The following KCNQ1 variants were observed in gnomAD, a reference collection of about 807,000 sequenced individuals.
The protein encoded by KCNQ1 is potassium voltage-gated channel subfamily KQT member 1.
KCNQ1 carries 49 observed loss-of-function variants against 72.4 expected under a neutral mutation model. That is an observed-to-expected ratio of 0.68 (90% confidence interval 0.54 to 0.86). KCNQ1 has a LOEUF of 0.86. Among genes scored for constraint, KCNQ1 ranks in the 40% least tolerant of loss-of-function variants. The pLI is 0.00. For missense variants in KCNQ1, 790 were observed against 945.1 expected, an observed-to-expected ratio of 0.84 and a Z score of 2.15; for synonymous variants, 450 against 412.6, an observed-to-expected ratio of 1.09 and a Z score of -1.10.
At chr11:2,649,861 G>A (rs1849730752) in intron 10 of KCNQ1, 1 of 398,408 alleles carries the variant, frequency 2.5e-6, no homozygotes, top group South Asian at 1.3e-4. Context: ...CAGTTTTCAG[G>A]TATTATCTTC....
intron 7 of KCNQ1, among the ~76,000 whole-genome samples, chr11:2,583,988 GTGTGTGTGTGTGTTA>G (rs1206435830): frequency 1.3e-5 from 2 of 151,596 alleles, no homozygotes; most frequent in Non-Finnish European, 2.9e-5. Context: ...GTATGTGGGT[GTGTGTGTGTGTGTTA>G]TGTGCGTATG....
At position 2,808,057 on chromosome 11, in the gene KCNQ1, G is replaced by T. The variant is rs373670024; in HGVS notation, c.1794+30020G>T. 6.6e-6 allele frequency among the ~76,000 whole-genome samples: 1 copy of T among 152,126 alleles called. No individual in the cohort carries two copies. Among genetic ancestry groups the T allele is most frequent in the Non-Finnish European group, 1.5e-5 (1 of 67,994 alleles). On this transcript the variant is annotated intron_variant, in intron 15 of 15. Transcript: ENST00000155840. The surrounding 1 kb of genome is among the most constrained non-coding windows in gnomAD (Gnocchi z 6.0). The stretch of plus-strand genomic sequence containing the variant: ...CCACTGAGCACCTGGCCCAGTGCCC[G>T]GCACGTGGCAAGTGAAGGCGGCTGC...
chr11:2,753,586 T>A (rs1437619028), intron 11 of KCNQ1, among the ~76,000 whole-genome samples: 1 of 152,230 alleles, frequency 6.6e-6, no homozygotes, highest in African/African-American at 2.4e-5. Flanking sequence ...TTTTGAAGTA[T>A]ACACCTCAGT....
chr11:2,791,094 G>A (rs1221406819), intron 15 of KCNQ1, among the ~76,000 whole-genome samples: 1 of 152,226 alleles, frequency 6.6e-6, no homozygotes, highest in Non-Finnish European at 1.5e-5. Flanking sequence ...GGCCAGAGAG[G>A]AAATTTAAGT....
chr11:2,686,704 T>C (rs1321292338), intron 11 of KCNQ1: 4 of 398,498 alleles, frequency 1.0e-5, no homozygotes, highest in Non-Finnish European at 1.8e-5. Context: ...TGTTCAAGGC[T>C]GGGAAGTCCT....
At chr11:2,596,707 G>C (rs1267943919) in intron 10 of KCNQ1, among the ~76,000 whole-genome samples, 1 of 152,066 alleles carries the variant, frequency 6.6e-6, no homozygotes, top group Non-Finnish European at 1.5e-5. Context: ...AGGGGTAGTA[G>C]TAGGAGGGAA....
rs1050741558 is a variant in KCNQ1 at position 2,654,596 on chromosome 11, A to C, written c.1394-7365A>C. On this transcript the variant is annotated intron_variant, in intron 10 of 15. Coordinates refer to ENST00000155840, the MANE Select transcript of KCNQ1 (RefSeq NM_000218.3). This position sits in a 1 kb window ranked among gnomAD's most constrained non-coding sequence, Gnocchi z 6.4. ...ATCAGGAGGGGAAGGGCAGGGGGTG[A>C]GTGGTTGGGTGAAGTTACTAGGAAG... 21 of 398,528 alleles carry C rather than the reference A, an allele frequency of 5.3e-5. No individual in the cohort carries two copies. Among genetic ancestry groups the C allele is most frequent in the African/African-American group, 1.2e-4 (6 of 48,554 alleles). The allele number at this position is 398,528 out of a possible 1,614,324, so 24.7% of individuals were successfully genotyped here. A position where few individuals can be genotyped will look rare whatever the true frequency, so the allele number is the denominator to read the frequency against.
In KCNQ1 at chr11:2,772,926, T is replaced by C. The variant is rs1198355810; in HGVS notation, c.1591-3034T>C. On this transcript the variant is annotated intron_variant, in intron 12 of 15. Coordinates refer to ENST00000155840, the MANE Select transcript of KCNQ1 (RefSeq NM_000218.3). The surrounding 1 kb of genome is among the most constrained non-coding windows in gnomAD (Gnocchi z 6.6). ...TTCAGCTTCACAGAGCTCTGTGGTCTGCAGGAGGCTCACCACCATGACTCA... is the reference window on the plus strand; with the variant it reads ...TTCAGCTTCACAGAGCTCTGTGGTCCGCAGGAGGCTCACCACCATGACTCA... 2.0e-5 allele frequency among the ~76,000 whole-genome samples: 3 copies of C among 152,192 alleles called. No homozygotes were observed. Among genetic ancestry groups the C allele is most frequent in the African/African-American group, 7.2e-5 (3 of 41,446 alleles).
Position 2,566,591 on chromosome 11 carries a change from G to A in KCNQ1, c.478-4037G>A, listed in dbSNP as rs546129844. Among the ~76,000 whole-genome samples the A allele has an allele frequency of 5.3e-4, 81 of 152,268 alleles. No individual in the cohort carries two copies. In the South Asian group the frequency reaches 0.01, roughly 19 times the overall value. On this transcript the variant is annotated intron_variant, in intron 2 of 15. Coordinates refer to ENST00000155840, the MANE Select transcript of KCNQ1 (RefSeq NM_000218.3). This position sits in a 1 kb window ranked among gnomAD's most constrained non-coding sequence, Gnocchi z 6.7. ...ATGAAGCCATCTGCAGCCAGGAGGC[G>A]GCCTTGCTTTAGTCTGAAGGAGAGT...
chr11:2,521,705 A>G lies in KCNQ1; in HGVS notation c.387-6223A>G, dbSNP rs923633553. 4.2e-4 allele frequency: 148 copies of G among 350,362 alleles called. 1 individual carries two copies. Among genetic ancestry groups the G allele is most frequent in the Non-Finnish European group, 7.0e-5 (12 of 171,244 alleles). The allele number at this position is 350,362 out of a possible 1,614,324, so 21.7% of individuals were successfully genotyped here. ...TTATTGGGAAACATCTCAGGGTTAC[A>G]AAACGCCCCCCATGGGCTAAAGAGG... On this transcript the variant is annotated intron_variant, in intron 1 of 15. Coordinates refer to ENST00000155840, the MANE Select transcript of KCNQ1 (RefSeq NM_000218.3).
intron 2 of KCNQ1, among the ~76,000 whole-genome samples, chr11:2,535,948 G>T (rs962539952): frequency 6.6e-6 from 1 of 152,214 alleles, no homozygotes; most frequent in South Asian, 2.1e-4. Context: ...GGGCAGGGGC[G>T]CTGCTGAAGC....
In KCNQ1 at chr11:2,661,876, G is replaced by A; in HGVS notation, c.1394-85G>A. On this transcript the variant is annotated intron_variant, in intron 10 of 15. Coordinates refer to ENST00000155840, the MANE Select transcript of KCNQ1 (RefSeq NM_000218.3). The surrounding 1 kb of genome is among the most constrained non-coding windows in gnomAD (Gnocchi z 5.9). Reference sequence around the variant, plus strand: ...AGGCACAAGCTCCACTCCTCACCTGGCCCTGGGAGCTCACAGGCCTGGCTC... The same window carrying A: ...AGGCACAAGCTCCACTCCTCACCTGACCCTGGGAGCTCACAGGCCTGGCTC... 1 of 1,557,188 alleles carries A rather than the reference G, an allele frequency of 6.4e-7. No individual in the cohort carries two copies. The highest frequency in any genetic ancestry group is 2.2e-5 in the East Asian group (1 of 44,582).
At chr11:2,761,882 C>A (rs995849428) in intron 11 of KCNQ1, among the ~76,000 whole-genome samples, 1 of 152,236 alleles carries the variant, frequency 6.6e-6, no homozygotes, top group East Asian at 1.9e-4. Context: ...AGGGAGTTGG[C>A]AGGAGGGGAG....
At chr11:2,504,200 C>T (rs1847062627) in intron 1 of KCNQ1, among the ~76,000 whole-genome samples, 1 of 152,074 alleles carries the variant, frequency 6.6e-6, no homozygotes, top group South Asian at 2.1e-4. Context: ...AACTGGAGGT[C>T]ACTATATTAA....
chr11:2,839,271 TC>T (rs1564912348), intron 15 of KCNQ1, among the ~76,000 whole-genome samples: 2 of 151,994 alleles, frequency 1.3e-5, no homozygotes, highest in African/African-American at 4.8e-5. Flanking sequence ...GCAAAGGGGC[TC>T]CAGTGCCACC....
rs1187117724 is a variant in KCNQ1, at chr11:2,479,025, C to T, written c.386+33541C>T. Among the ~76,000 whole-genome samples the T allele has an allele frequency of 6.6e-6, 1 of 152,182 alleles. No individual in the cohort carries two copies. Among genetic ancestry groups the T allele is most frequent in the Non-Finnish European group, 1.5e-5 (1 of 68,038 alleles). On this transcript the variant is annotated intron_variant, in intron 1 of 15. Transcript: ENST00000155840. This position sits in a 1 kb window ranked among gnomAD's most constrained non-coding sequence, Gnocchi z 4.6. ...TTAAATCTTAATGCTCCAAAATGAT[C>T]TCCATTGACTCCATGTCTCACATCT...
In KCNQ1 at chr11:2,471,814, G is replaced by C. The variant is rs1846472140; in HGVS notation, c.386+26330G>C. On this transcript the variant is annotated intron_variant, in intron 1 of 15. Transcript: ENST00000155840. The surrounding 1 kb of genome is among the most constrained non-coding windows in gnomAD (Gnocchi z 4.8). ...TGTGCATGTGTATATAGGTGTGTGT[G>C]CACGTGTATGGGTGCGTGTGCACCT... 6.6e-6 allele frequency among the ~76,000 whole-genome samples: 1 copy of C among 151,952 alleles called. No homozygotes were observed. Among genetic ancestry groups the C allele is most frequent in the Admixed American group, 6.6e-5 (1 of 15,258 alleles).
chr11:2,518,017 G>A (rs1287258948), intron 1 of KCNQ1, among the ~76,000 whole-genome samples: 1 of 152,246 alleles, frequency 6.6e-6, no homozygotes, highest in Admixed American at 6.5e-5. Context: ...AGGCCTGCAT[G>A]GAGGAGGCGG....
chr11:2,734,148 G>A lies in KCNQ1; in HGVS notation c.1515-34696G>A, dbSNP rs1320014321. Among the ~76,000 whole-genome samples the A allele has an allele frequency of 6.6e-6, 1 of 152,182 alleles. No individual in the cohort carries two copies. Among genetic ancestry groups the A allele is most frequent in the Admixed American group, 6.5e-5 (1 of 15,288 alleles). On this transcript the variant is annotated intron_variant, in intron 11 of 15. Coordinates refer to ENST00000155840, the MANE Select transcript of KCNQ1 (RefSeq NM_000218.3). The surrounding 1 kb of genome is among the most constrained non-coding windows in gnomAD (Gnocchi z 7.0). ...GGGGTGGTCCTGCTCCGGCCCCAGG[G>A]CCCGCAGGTGTGTGTGAGAGGTGCA...
Sources: allele counts gnomAD v4.1 joint callset (sites outside exome capture counted in the v4.1 genomes callset), GRCh38; gene constraint gnomAD v4.1.1; non-coding constraint Gnocchi (gnomAD v3.1); transcripts MANE v1.5; gene names NCBI Gene and HGNC (gene_info 2026-07-23, HGNC 2026-07-21).